Variants in DYNC2H1 observed in about 807,000 individuals in gnomAD.
The protein encoded by DYNC2H1 is cytoplasmic dynein 2 heavy chain 1.
A neutral mutation model predicts 570.0 loss-of-function variants in DYNC2H1; 410 were observed. The ratio of observed to expected loss-of-function variants is 0.72; its 90% CI spans 0.66 to 0.78. The LOEUF is 0.78. Ranked by LOEUF, DYNC2H1 falls within the 30% of genes least tolerant of loss-of-function variation. DYNC2H1 has a pLI of 0.00. For missense variants in DYNC2H1, 4,865 were observed against 5,046.4 expected (o/e 0.96, Z 1.09); for synonymous variants, 1,688 against 1,677.6 (o/e 1.01, Z -0.15).
At chr11:103,332,067 CAAA>C (rs879873856) in intron 82 of DYNC2H1, among the ~76,000 whole-genome samples, 1 of 102,032 alleles carries the variant, frequency 9.8e-6, no homozygotes. Flanking sequence ...GACTCCATCT[CAAA>C]AAAAAAAAAA....
Position 103,239,663 on chromosome 11 carries a change from G to A in DYNC2H1, c.9819+3124G>A, listed in dbSNP as rs1281244298. 6.6e-6 allele frequency among the ~76,000 whole-genome samples: 1 copy of A among 151,874 alleles called. No individual in the cohort carries two copies. The highest frequency in any genetic ancestry group is 1.5e-5 in the Non-Finnish European group (1 of 67,970). ...TAGGAGTGTGTGTGTGTGTGTGTGT[G>A]TGTGTGTGTGTGTGTAACCTTATTT... On this transcript the variant is annotated intron_variant, in intron 63 of 88. Coordinates refer to ENST00000375735, the MANE Select transcript of DYNC2H1 (RefSeq NM_001377.3). The surrounding 1 kb of genome is among the most constrained non-coding windows in gnomAD (Gnocchi z 4.3).
chr11:103,220,118 T>C, intron 56 of DYNC2H1, 90 bp downstream of exon 56: 1 of 696,212 alleles, frequency 1.4e-6, no homozygotes, highest in Non-Finnish European at 2.2e-6. Context: ...TCAAGTTGTT[T>C]TCTCATAGTA....
Position 103,209,917 on chromosome 11 carries a change from A to T in DYNC2H1, c.8496A>T (p.Lys2832Asn). ...MLFSETGGGE[K>N]YNDKKRKEEK... is the part of the protein sequence containing the mutation. ...TCAGTGAAACAGGTGGTGGAGAAAA[A>T]TACAATGATAAAAAACGAAAAGAAG... The change falls in exon 53 of 89, where the codon AAA becomes AAT. Residue 2832 changes from lysine to asparagine, a missense_variant. Around this residue, in one of 5 missense-constraint regions of DYNC2H1, gnomAD observed 2,401 missense variants for 2,454.6 expected, o/e 0.98. Transcript: ENST00000375735. The surrounding 1 kb of genome is among the most constrained non-coding windows in gnomAD (Gnocchi z 4.2). The T allele has an allele frequency of 6.7e-7, 1 of 1,499,378 alleles. No homozygotes were observed. The highest frequency in any genetic ancestry group is 8.9e-7 in the Non-Finnish European group (1 of 1,122,014). The allele number at this position is 1,499,378 out of a possible 1,614,324, so 92.9% of individuals were successfully genotyped here.
At chr11:103,156,948 G>C (rs539743533) in intron 26 of DYNC2H1, among the ~76,000 whole-genome samples, 178 bp downstream of exon 26, 7 of 152,190 alleles carry the variant, frequency 4.6e-5, no homozygotes, top group African/African-American at 1.7e-4. Context: ...TTTACTTCTT[G>C]AACCATTATG....
chr11:103,214,446 C>CTTTTTTTTTTTTTTT (rs200386358), intron 54 of DYNC2H1, among the ~76,000 whole-genome samples: 2 of 127,448 alleles, frequency 1.6e-5, no homozygotes, highest in Non-Finnish European at 1.6e-5. Flanking sequence ...ACTTCTTCTT[C>CTTTTTTTTTTTTTTT]TTTTTTTTTT....
rs1866256032 is a variant in DYNC2H1 at position 103,284,148 on chromosome 11, C to G, written c.10890+1063C>G. Among the ~76,000 whole-genome samples the G allele has an allele frequency of 2.0e-5, 3 of 152,286 alleles. No homozygotes were observed. The South Asian group carries it at 6.2e-4, about 32-fold the overall frequency. ...GATTCTGATGACTTCGGCCTGTCTT[C>G]AGCAAGAATCCCATTAGGTTGGTTT... On this transcript the variant is annotated intron_variant, in intron 73 of 88. Coordinates refer to ENST00000375735, the MANE Select transcript of DYNC2H1 (RefSeq NM_001377.3).
At position 103,373,301 on chromosome 11, in the gene DYNC2H1, G is replaced by A. The variant is rs146504445; in HGVS notation, c.12156+14942G>A. Reference sequence around the variant, plus strand: ...TCTAGGAATTTATCCACTTTTTTCTGCTATCAGTGTGTTGGCATATAGTTG... The same window carrying A: ...TCTAGGAATTTATCCACTTTTTTCTACTATCAGTGTGTTGGCATATAGTTG... On this transcript the variant is annotated intron_variant, in intron 83 of 88. Coordinates refer to ENST00000375735, the MANE Select transcript of DYNC2H1 (RefSeq NM_001377.3). Among the ~76,000 whole-genome samples, 389 of 151,878 alleles carry A rather than the reference G, an allele frequency of 2.6e-3. 2 individuals carry two copies. The highest frequency in any genetic ancestry group is 8.9e-3 in the African/African-American group (369 of 41,420).
At position 103,181,748 on chromosome 11, in the gene DYNC2H1, C is replaced by T. The variant is rs1446701628; in HGVS notation, c.6348-9C>T. Reference sequence around the variant, plus strand: ...CTAAGTAATTTTTTATTTGTCTAAACTGTTTCAGTGATGAAGAGACAGATC... The same window carrying T: ...CTAAGTAATTTTTTATTTGTCTAAATTGTTTCAGTGATGAAGAGACAGATC... On this transcript the variant is annotated splice_polypyrimidine_tract_variant and intron_variant, in intron 39 of 88. Coordinates refer to ENST00000375735, the MANE Select transcript of DYNC2H1 (RefSeq NM_001377.3). The surrounding 1 kb of genome is among the most constrained non-coding windows in gnomAD (Gnocchi z 5.0). The T allele has an allele frequency of 3.9e-6, 6 of 1,545,864 alleles. No individual in the cohort carries two copies. The highest frequency in any genetic ancestry group is 5.2e-6 in the Non-Finnish European group (6 of 1,144,654).
At chr11:103,441,944 C>G (rs929094884) in intron 85 of DYNC2H1, among the ~76,000 whole-genome samples, 7 of 152,064 alleles carry the variant, frequency 4.6e-5, no homozygotes, top group Non-Finnish European at 1.0e-4. Flanking sequence ...CCTAACTCAT[C>G]TTAGTAACTT....
At chr11:103,337,420 A>G (rs893080209) in intron 82 of DYNC2H1, among the ~76,000 whole-genome samples, 1 of 152,174 alleles carries the variant, frequency 6.6e-6, no homozygotes, top group African/African-American at 2.4e-5. Flanking sequence ...TTGGCACTGG[A>G]CAATATAGTA....
At position 103,186,060 on chromosome 11, in the gene DYNC2H1, A is replaced by G. The variant is rs1862053615; in HGVS notation, c.6634-182A>G. 6.6e-6 allele frequency among the ~76,000 whole-genome samples: 1 copy of G among 151,968 alleles called. No homozygotes were observed. ...ATATATACTTTAATTTACTTGCATAAATGATCATTTAGAGAAAAATATTTG... is the reference window on the plus strand; with the variant it reads ...ATATATACTTTAATTTACTTGCATAGATGATCATTTAGAGAAAAATATTTG... On this transcript the variant is annotated intron_variant, in intron 41 of 88. Transcript: ENST00000375735. The surrounding 1 kb of genome is among the most constrained non-coding windows in gnomAD (Gnocchi z 4.5).
At chr11:103,273,061 TTTGACAGTTTTTTTAAAA>T (rs1288426291) in intron 70 of DYNC2H1, among the ~76,000 whole-genome samples, 1 of 151,422 alleles carries the variant, frequency 6.6e-6, no homozygotes, top group African/African-American at 2.4e-5. Flanking sequence ...AATTTTGGAT[TTTGACAGTTTTTTTAAAA>T]AAAAAACTAT....
chr11:103,413,376 A>AAAAC (rs778785992), intron 84 of DYNC2H1, among the ~76,000 whole-genome samples: 8 of 151,182 alleles, frequency 5.3e-5, no homozygotes, highest in Non-Finnish European at 1.0e-4. Context: ...CTCATGTTTT[A>AAAAC]AAACATAATA....
chr11:103,202,271 G>C (rs1002849099), intron 50 of DYNC2H1, among the ~76,000 whole-genome samples: 18 of 146,998 alleles, frequency 1.2e-4, no homozygotes, highest in Admixed American at 6.9e-5. Flanking sequence ...TGTTCATTTT[G>C]GCTGATGAGA....
chr11:103,269,079 G>T (rs148057693), intron 70 of DYNC2H1, among the ~76,000 whole-genome samples: 1 of 152,166 alleles, frequency 6.6e-6, no homozygotes, highest in Non-Finnish European at 1.5e-5. Flanking sequence ...AGAGGCTTAA[G>T]CTTATTAATA....
intron 84 of DYNC2H1, among the ~76,000 whole-genome samples, chr11:103,428,100 A>T (rs1565591235): frequency 1.3e-5 from 2 of 151,864 alleles, no homozygotes. Flanking sequence ...ACCCTGTTAG[A>T]GTAAAACAGC....
rs572131956 is a variant in DYNC2H1 at position 103,402,268 on chromosome 11, G to A, written c.12366+2396G>A. The stretch of plus-strand genomic sequence containing the variant: ...ACGTCCCCCTAATTCTGGTGTAGGA[G>A]CTAGACTAGAGTGGTAAAATGCCCT... On this transcript the variant is annotated intron_variant, in intron 84 of 88. Transcript: ENST00000375735. 5.3e-5 allele frequency: 8 copies of A among 152,282 alleles called. No homozygotes were observed. The East Asian group carries it at 1.5e-3, about 29-fold the overall frequency. The allele number at this position is 152,282 out of a possible 1,614,324, so 9.4% of individuals were successfully genotyped here. A position where few individuals can be genotyped will look rare whatever the true frequency, so the allele number is the denominator to read the frequency against.
rs147694880 is a variant in DYNC2H1 at position 103,202,966 on chromosome 11, T to C, written c.8198-697T>C. 8.8e-3 allele frequency among the ~76,000 whole-genome samples: 1,347 copies of C among 152,284 alleles called. 12 individuals carry two copies. The highest frequency in any genetic ancestry group is 0.013 in the Non-Finnish European group (907 of 68,008). ...CATCATCATGATTTGGCCTGCATAGTAGCAGGCCATGGACCAGTTCTTCTG... is the reference window on the plus strand; with the variant it reads ...CATCATCATGATTTGGCCTGCATAGCAGCAGGCCATGGACCAGTTCTTCTG... On this transcript the variant is annotated intron_variant, in intron 50 of 88. Transcript: ENST00000375735.
At chr11:103,449,588 A>G (rs1239671510) in intron 85 of DYNC2H1, among the ~76,000 whole-genome samples, 2 of 152,194 alleles carry the variant, frequency 1.3e-5, no homozygotes, top group African/African-American at 2.4e-5. Context: ...TGTTATTCAT[A>G]CCAAGTCACA....
Sources: gnomAD v4.1 joint callset for allele counts (sites outside exome capture counted in the v4.1 genomes callset) on GRCh38, gnomAD v4.1.1 for gene constraint, gnomAD v4.1.1 regional missense constraint, Gnocchi (gnomAD v3.1) non-coding constraint, MANE v1.5 for transcripts, NCBI Gene and HGNC (gene_info 2026-07-23, HGNC 2026-07-21) for gene names.